The following PTPRM variants were observed in gnomAD, a reference collection of about 807,000 sequenced individuals.
PTPRM encodes the protein receptor-type tyrosine-protein phosphatase mu.
A neutral mutation model predicts 186.7 loss-of-function variants in PTPRM; 47 were observed. The ratio of observed to expected loss-of-function variants is 0.25; its 90% CI spans 0.20 to 0.32. The LOEUF (loss-of-function observed/expected upper bound fraction) is 0.32. PTPRM is among the 10% of genes least tolerant of loss of function. The pLI, the probability that PTPRM is intolerant of heterozygous loss-of-function variation, is 1.00. For missense variants in PTPRM, 1,494 were observed against 1,865.0 expected, an observed-to-expected ratio of 0.80 and a Z score of 3.66; for synonymous variants, 668 against 674.9, an observed-to-expected ratio of 0.99 and a Z score of 0.16.
chr18:7,880,033 AG>A (rs980355897), intron 2 of PTPRM, among the ~76,000 whole-genome samples: 1 of 152,130 alleles, frequency 6.6e-6, no homozygotes, highest in Non-Finnish European at 1.5e-5. Flanking sequence ...TGCCAAGCAG[AG>A]GGGGGAAAGC....
chr18:7,644,288 A>T (rs1002325818), intron 1 of PTPRM, among the ~76,000 whole-genome samples: 1 of 152,154 alleles, frequency 6.6e-6, no homozygotes, highest in African/African-American at 2.4e-5. Flanking sequence ...AGATGCTCGT[A>T]TTTATGTTAT....
chr18:7,909,579 A>G (rs952771292), intron 4 of PTPRM, among the ~76,000 whole-genome samples: 1 of 152,232 alleles, frequency 6.6e-6, no homozygotes, highest in African/African-American at 2.4e-5. Flanking sequence ...CTTTCTTATC[A>G]GGATTTCATA....
At chr18:7,588,802 G>T (rs1349686403) in intron 1 of PTPRM, among the ~76,000 whole-genome samples, 6 of 152,168 alleles carry the variant, frequency 3.9e-5, no homozygotes. Flanking sequence ...AAGATGTGTG[G>T]TTGTTAAATT....
At chr18:8,180,714 T>C (rs955471750) in intron 14 of PTPRM, among the ~76,000 whole-genome samples, 1 of 152,172 alleles carries the variant, frequency 6.6e-6, no homozygotes, top group Admixed American at 6.5e-5. Flanking sequence ...AGGAAGGTCA[T>C]ATACCAGTTA....
chr18:7,875,428 AT>A (rs1026975144), intron 2 of PTPRM, among the ~76,000 whole-genome samples: 4 of 150,774 alleles, frequency 2.7e-5, no homozygotes, highest in African/African-American at 9.8e-5. Flanking sequence ...GGTTCAAGCG[AT>A]TCTCCTGCCT....
Position 7,618,598 on chromosome 18 carries a change from A to G in PTPRM, c.73+50707A>G, listed in dbSNP as rs560198318. ...TCCCCAAACCTGTTTGCCCACATCT[A>G]CTATCTTTCAGAACCAAGTAAGAAT... On this transcript the variant is annotated intron_variant, in intron 1 of 32. Transcript: ENST00000580170. Among the ~76,000 whole-genome samples the G allele has an allele frequency of 3.3e-5, 5 of 152,318 alleles. No homozygotes were observed. In the East Asian group the frequency reaches 7.7e-4, roughly 24 times the overall value.
chr18:8,094,050 T>A (rs1398691556), intron 11 of PTPRM, among the ~76,000 whole-genome samples: 4 of 152,150 alleles, frequency 2.6e-5, no homozygotes, highest in Non-Finnish European at 5.9e-5. Flanking sequence ...TCAGAATAGG[T>A]TTGTTCAAGA....
chr18:7,894,798 C>G (rs1055069783), intron 3 of PTPRM, among the ~76,000 whole-genome samples: 1 of 152,010 alleles, frequency 6.6e-6, no homozygotes, highest in African/African-American at 2.4e-5. Flanking sequence ...GAGAAGCCCT[C>G]TCTCAAGGTA....
intron 22 of PTPRM, among the ~76,000 whole-genome samples, chr18:8,340,286 T>A (rs2095467051): frequency 6.6e-6 from 1 of 152,256 alleles, no homozygotes; most frequent in Admixed American, 6.5e-5. Context: ...ATCTTTGTGT[T>A]CAATTTCATT....
At chr18:8,041,964 G>C (rs2086720873) in intron 7 of PTPRM, among the ~76,000 whole-genome samples, 1 of 152,176 alleles carries the variant, frequency 6.6e-6, no homozygotes, top group Non-Finnish European at 1.5e-5. Context: ...CCTCACTGCA[G>C]GCTGATGGCT....
chr18:8,287,491 GA>G (rs1352373296), intron 19 of PTPRM, among the ~76,000 whole-genome samples: 20 of 152,186 alleles, frequency 1.3e-4, no homozygotes, highest in African/African-American at 4.8e-4. Context: ...GTGGCAAAGA[GA>G]CCAGTCAGGA....
At chr18:8,142,569 G>A (rs181473698) in intron 13 of PTPRM, among the ~76,000 whole-genome samples, 3 of 152,262 alleles carry the variant, frequency 2.0e-5, no homozygotes, top group South Asian at 4.2e-4. Flanking sequence ...TAAGGTTTTC[G>A]TGAGTCAGGT....
chr18:8,243,597 C>T (rs993384108), intron 14 of PTPRM, among the ~76,000 whole-genome samples: 10 of 152,150 alleles, frequency 6.6e-5, no homozygotes, highest in African/African-American at 1.9e-4. Flanking sequence ...AACAATGTGC[C>T]TTTTAGATTC....
chr18:8,005,640 T>C (rs955647064), intron 7 of PTPRM, among the ~76,000 whole-genome samples: 12 of 152,114 alleles, frequency 7.9e-5, no homozygotes, highest in Non-Finnish European at 1.5e-4. Flanking sequence ...CAGCAGTATT[T>C]TTCTTTGTGC....
chr18:7,921,676 G>A (rs55742047), intron 4 of PTPRM, among the ~76,000 whole-genome samples: 40,270 of 151,790 alleles, frequency 0.27, 5,656 homozygotes, highest in East Asian at 0.44. Context: ...CACCGCACCC[G>A]GCCTCTAATG....
chr18:8,139,008 C>T (rs984444993), intron 13 of PTPRM, among the ~76,000 whole-genome samples: 5 of 152,072 alleles, frequency 3.3e-5, no homozygotes, highest in African/African-American at 9.7e-5. Flanking sequence ...GTCCCCCGGC[C>T]GACTCATGAC....
intron 1 of PTPRM, among the ~76,000 whole-genome samples, chr18:7,730,679 A>G (rs2040640357): frequency 6.6e-6 from 1 of 152,210 alleles, no homozygotes; most frequent in Non-Finnish European, 1.5e-5. Context: ...GCCTCATAGT[A>G]AATTCTTTCC....
intron 4 of PTPRM, 137 bp from the exon 5 acceptor site, chr18:7,926,431 C>T (rs148362404): frequency 2.4e-5 from 12 of 508,776 alleles, no homozygotes; most frequent in African/African-American, 2.1e-4. Flanking sequence ...ATCTTTAAAG[C>T]TTATATAAGC....
intron 2 of PTPRM, among the ~76,000 whole-genome samples, chr18:7,857,979 G>A (rs1239567760): frequency 1.3e-5 from 2 of 152,130 alleles, no homozygotes; most frequent in African/African-American, 4.8e-5. Context: ...AAGAGAGAGA[G>A]GGCAGATCTT....
Sources: gnomAD v4.1 joint callset for allele counts (sites outside exome capture counted in the v4.1 genomes callset) on GRCh38, gnomAD v4.1.1 for gene constraint, MANE v1.5 for transcripts, NCBI Gene and HGNC (gene_info 2026-07-23, HGNC 2026-07-21) for gene names.